IKBKE: variants seen among roughly 807,000 people sequenced by gnomAD.
IKBKE encodes the protein inhibitor of nuclear factor kappa B kinase subunit epsilon, also known as inhibitor of nuclear factor kappa-B kinase subunit epsilon.
IKBKE carries 45 observed loss-of-function variants against 92.1 expected under a neutral mutation model. The observed-to-expected ratio is 0.49, with a 90% CI of 0.38 to 0.63. The LOEUF is 0.63. IKBKE is among the 20% of genes least tolerant of loss of function. IKBKE has a pLI of 0.00. For missense variants in IKBKE, 700 were observed against 932.8 expected (o/e 0.75, Z 3.25); for synonymous variants, 374 against 380.3 (o/e 0.98, Z 0.19).
intron 17 of IKBKE, chr1:206,491,303 T>G: frequency 2.8e-6 from 1 of 355,894 alleles, no homozygotes; most frequent in Non-Finnish European, 5.3e-6. Context: ...CCCGACCCCT[T>G]TTTGTCTCAC....
chr1:206,478,349 G>A lies in IKBKE; in HGVS notation c.992+10G>A, dbSNP rs781831331. 10 of 1,610,798 alleles carry A rather than the reference G, an allele frequency of 6.2e-6. No individual in the cohort carries two copies. Among genetic ancestry groups the A allele is most frequent in the Middle Eastern group, 1.6e-4 (1 of 6,062 alleles). On this transcript the variant is annotated intron_variant, in intron 9 of 21. Coordinates refer to ENST00000581977, the MANE Select transcript of IKBKE (RefSeq NM_014002.4). The surrounding 1 kb of genome is among the most constrained non-coding windows in gnomAD (Gnocchi z 4.8). ...TCCATGCCCACAACACGTAAGTGGG[G>A]GCGAGGGAGGGAAGCGGTGAGAACC... is the stretch of plus-strand genomic sequence containing the variant.
In IKBKE at chr1:206,478,643, T is replaced by A. The variant is rs578150141; in HGVS notation, c.993-300T>A. On this transcript the variant is annotated intron_variant, in intron 9 of 21. Transcript: ENST00000581977. The surrounding 1 kb of genome is among the most constrained non-coding windows in gnomAD (Gnocchi z 4.8). ...TACTGCTCATAGTACCCTTGATTCC[T>A]GGATAATTTTATAGAACTAGGTAAA... Among the ~76,000 whole-genome samples, 6 of 152,300 alleles carry A rather than the reference T, an allele frequency of 3.9e-5. No individual in the cohort carries two copies. Among genetic ancestry groups the A allele is most frequent in the African/African-American group, 1.4e-4 (6 of 41,564 alleles).
intron 21 of IKBKE, 113 bp from the exon 22 acceptor site, chr1:206,495,999 C>T: frequency 1.4e-6 from 1 of 724,308 alleles, no homozygotes; most frequent in Non-Finnish European, 2.4e-6. Flanking sequence ...AAGGGGAGAG[C>T]TGAGGACTTG....
Position 206,478,019 on chromosome 1 carries a change from G to T in IKBKE, c.813-141G>T, listed in dbSNP as rs1451416609. 2.9e-5 allele frequency: 24 copies of T among 831,628 alleles called. No homozygotes were observed. In the Admixed American group the frequency reaches 5.2e-4, roughly 18 times the overall value. The allele number at this position is 831,628 out of a possible 1,614,324, so 51.5% of individuals were successfully genotyped here. On this transcript the variant is annotated intron_variant, in intron 8 of 21. Transcript: ENST00000581977. This position sits in a 1 kb window ranked among gnomAD's most constrained non-coding sequence, Gnocchi z 4.8. ...CTGGTTGCTGGAACGAGTTCTTCCA[G>T]CTCTTCCTCCCCAACCCACCCTGCC...
At chr1:206,492,949 G>A (rs782811428) in intron 18 of IKBKE, 74 bp from the exon 19 acceptor site, 31 of 1,312,440 alleles carry the variant, frequency 2.4e-5, no homozygotes, top group South Asian at 8.9e-5. Context: ...GTGTGGATCC[G>A]ATGGCAGCTA....
chr1:206,479,191 G>A (rs1487233229), intron 10 of IKBKE, 58 bp downstream of exon 10: 2 of 1,401,440 alleles, frequency 1.4e-6, no homozygotes, highest in African/African-American at 1.4e-5. Context: ...TCTGAGACAG[G>A]AGTTTGCAAT....
chr1:206,481,766 C>CTTTTTTTT (rs71152472), intron 13 of IKBKE, among the ~76,000 whole-genome samples: 3 of 46,558 alleles, frequency 6.4e-5, no homozygotes, highest in Non-Finnish European at 1.1e-4. Context: ...AAGGATGAGG[C>CTTTTTTTT]TTTTTTTTTT....
In IKBKE at chr1:206,474,935, G is replaced by T; in HGVS notation, c.299G>T (p.Ser100Ile). 1 of 1,614,118 alleles carries T rather than the reference G, an allele frequency of 6.2e-7. No homozygotes were observed. The highest frequency in any genetic ancestry group is 1.1e-5 in the South Asian group (1 of 91,068). ...SSGSLLSVLE[S>I]PENAFGLPED... Reference sequence around the variant, plus strand: ...GGGAGCCTGCTGAGTGTGCTGGAGAGCCCTGAGAATGCCTTTGGGCTGCCT... The same window carrying T: ...GGGAGCCTGCTGAGTGTGCTGGAGATCCCTGAGAATGCCTTTGGGCTGCCT... Residue 100 changes from serine to isoleucine, a missense_variant, in exon 5 of 22, where the codon AGC becomes ATC. Physicochemically the swap from Ser to Ile is moderately radical, Grantham distance 142. Transcript: ENST00000581977.
At chr1:206,486,978 T>C (rs1553388949) in intron 15 of IKBKE, among the ~76,000 whole-genome samples, 1 of 152,188 alleles carries the variant, frequency 6.6e-6, no homozygotes, top group African/African-American at 2.4e-5. Flanking sequence ...GCCCTGTCCT[T>C]TTGGATGAAG....
intron 5 of IKBKE, 152 bp downstream of exon 5, chr1:206,475,146 C>A: frequency 1.3e-6 from 1 of 788,190 alleles, no homozygotes; most frequent in South Asian, 2.0e-5. Flanking sequence ...CACCAATGTT[C>A]ACAGCAGCAT....
Position 206,476,969 on chromosome 1 carries a change from C to G in IKBKE, c.701+131C>G. ...CCTCTGGTCCACCCCCCAACCCAGGCTCTTTGTAGATCTTTTTTTGTTAAT... is the reference window on the plus strand; with the variant it reads ...CCTCTGGTCCACCCCCCAACCCAGGGTCTTTGTAGATCTTTTTTTGTTAAT... On this transcript the variant is annotated intron_variant, in intron 7 of 21. Transcript: ENST00000581977. The surrounding 1 kb of genome is among the most constrained non-coding windows in gnomAD (Gnocchi z 5.1). 1 of 941,622 alleles carries G rather than the reference C, an allele frequency of 1.1e-6. No individual in the cohort carries two copies. The highest frequency in any genetic ancestry group is 1.6e-6 in the Non-Finnish European group (1 of 633,334). The allele number at this position is 941,622 out of a possible 1,614,324, so 58.3% of individuals were successfully genotyped here.
Position 206,488,009 on chromosome 1 carries a change from G to C in IKBKE, c.1693+19G>C, listed in dbSNP as rs2103477673. On this transcript the variant is annotated intron_variant, in intron 16 of 21. Transcript: ENST00000581977. ...AGGCCAGGTGAGCCCGGGGAGGGCA[G>C]ATGCCCCTTCTCTCTCCTCTGTCTC... is the stretch of plus-strand genomic sequence containing the variant. The C allele has an allele frequency of 6.4e-7, 1 of 1,572,286 alleles. No homozygotes were observed. Among genetic ancestry groups the C allele is most frequent in the Non-Finnish European group, 8.7e-7 (1 of 1,142,932 alleles).
intron 8 of IKBKE, 22 bp downstream of exon 8, chr1:206,477,881 G>C: frequency 1.4e-6 from 2 of 1,453,212 alleles, no homozygotes; most frequent in Non-Finnish European, 1.9e-6. Context: ...CCTGCTGGGG[G>C]GTGATGCTGG....
chr1:206,477,611 T>A, intron 7 of IKBKE, 138 bp from the exon 8 acceptor site: 1 of 610,254 alleles, frequency 1.6e-6, no homozygotes, highest in South Asian at 2.0e-5. Flanking sequence ...GAGCCAGGTT[T>A]CTCACACTCC....
At chr1:206,482,129 G>A (rs1330774794) in intron 13 of IKBKE, among the ~76,000 whole-genome samples, 1 of 152,140 alleles carries the variant, frequency 6.6e-6, no homozygotes, top group Non-Finnish European at 1.5e-5. Flanking sequence ...CAGGCAGGAA[G>A]GTCTGCGCAG....
intron 13 of IKBKE, among the ~76,000 whole-genome samples, chr1:206,484,451 G>C (rs1268923674): frequency 3.9e-5 from 6 of 152,324 alleles, no homozygotes; most frequent in African/African-American, 1.2e-4. Flanking sequence ...GAAAGAAGCA[G>C]AGTGGTGTGA....
At chr1:206,482,958 C>A (rs1297990831) in intron 13 of IKBKE, among the ~76,000 whole-genome samples, 1 of 152,248 alleles carries the variant, frequency 6.6e-6, no homozygotes, top group African/African-American at 2.4e-5. Context: ...ACCCACCTCT[C>A]CCCCAGTGTG....
At position 206,495,682 on chromosome 1, in the gene IKBKE, T is replaced by C. The variant is rs527440775; in HGVS notation, c.2118-430T>C. On this transcript the variant is annotated intron_variant, in intron 21 of 21. Coordinates refer to ENST00000581977, the MANE Select transcript of IKBKE (RefSeq NM_014002.4). ...GTTCTAATTTTAGTGCCAACAAAAA[T>C]TGCTCTTGCTGTGATATGTCATCTA... Among the ~76,000 whole-genome samples the C allele has an allele frequency of 1.8e-4, 28 of 152,382 alleles. No individual in the cohort carries two copies. In the East Asian group the frequency reaches 4.0e-3, roughly 22 times the overall value.
chr1:206,470,929 A>G (rs958506171), intron 1 of IKBKE, among the ~76,000 whole-genome samples: 1 of 152,040 alleles, frequency 6.6e-6, no homozygotes, highest in African/African-American at 2.4e-5. Context: ...GCCTGCCCTC[A>G]CCTTTCCCGG....
Sources: allele counts gnomAD v4.1 joint callset (sites outside exome capture counted in the v4.1 genomes callset), GRCh38; gene constraint gnomAD v4.1.1; non-coding constraint Gnocchi (gnomAD v3.1); transcripts MANE v1.5; gene names NCBI Gene and HGNC (gene_info 2026-07-23, HGNC 2026-07-21).